The following DCAF8L2 variants were observed in gnomAD, a reference collection of about 807,000 sequenced individuals.
The protein encoded by DCAF8L2 is DDB1- and CUL4-associated factor 8-like protein 2.
For synonymous variants in DCAF8L2, 200 were observed against 190.9 expected (o/e 1.05, Z -0.39); for missense variants, 430 against 490.7 (o/e 0.88, Z 1.17).
At chrX:27,619,299 A>G (rs1331240013) in intron 1 of DCAF8L2, among the ~76,000 whole-genome samples, 1 of 111,436 alleles carries the variant, frequency 9.0e-6, no homozygotes, top group African/African-American at 3.3e-5. Flanking sequence ...TTTCCACAAA[A>G]TAATTTACCA....
At chrX:27,737,630 G>A (rs948868978) in intron 4 of DCAF8L2, among the ~76,000 whole-genome samples, 6 of 111,105 alleles carry the variant, frequency 5.4e-5, no homozygotes, top group Non-Finnish European at 5.7e-5. Flanking sequence ...ACTTTCACAG[G>A]ACCCTCTGTT....
intron 3 of DCAF8L2, among the ~76,000 whole-genome samples, chrX:27,714,928 T>A (rs1602769154): frequency 9.0e-6 from 1 of 111,593 alleles, no homozygotes; most frequent in Non-Finnish European, 1.9e-5. Flanking sequence ...TTTTTTTAGT[T>A]AAAGACAAGT....
chrX:27,500,241 C>T, the DCAF8L2 span, among the ~76,000 whole-genome samples: 1 of 111,300 alleles, frequency 9.0e-6, no homozygotes, highest in African/African-American at 3.3e-5. Context: ...AAGACTTGTG[C>T]CTCAATAATC....
intron 4 of DCAF8L2, among the ~76,000 whole-genome samples, chrX:27,732,049 G>A (rs1392452589): frequency 9.0e-6 from 1 of 111,002 alleles, no homozygotes; most frequent in African/African-American, 3.3e-5. Flanking sequence ...ATAACATGAC[G>A]TTTTGATCTA....
intron 2 of DCAF8L2, among the ~76,000 whole-genome samples, chrX:27,637,016 C>G (rs1928529572): frequency 9.0e-6 from 1 of 111,697 alleles, no homozygotes; most frequent in Non-Finnish European, 1.9e-5. Context: ...GGGAGATGCA[C>G]TATCACCTAC....
chrX:27,552,179 C>A, the DCAF8L2 span, among the ~76,000 whole-genome samples: 5 of 110,926 alleles, frequency 4.5e-5, no homozygotes, highest in African/African-American at 1.6e-4. Context: ...GTTGAATTCC[C>A]AATATATTCT....
rs183042048 is a variant in DCAF8L2, at chrX:27,725,573, T to C, written c.-59+9402T>C. On this transcript the variant is annotated intron_variant, in intron 4 of 4. Transcript: ENST00000451261. ...AGTCTTTATTTTCAGAGTTAAAATA[T>C]AAATATATTATGTTTTATAAAGATC... 8.4e-3 allele frequency among the ~76,000 whole-genome samples: 923 copies of C among 110,400 alleles called. 12 individuals carry two copies. The highest frequency in any genetic ancestry group is 0.029 in the African/African-American group (885 of 30,621).
the DCAF8L2 span, among the ~76,000 whole-genome samples, chrX:27,584,295 T>TACAC: frequency 1.0e-4 from 11 of 109,461 alleles, no homozygotes; most frequent in Non-Finnish European, 1.5e-4. Flanking sequence ...AGTCTGTTTA[T>TACAC]ACACACACAC....
At chrX:27,630,991 A>G (rs1200582718) in intron 1 of DCAF8L2, among the ~76,000 whole-genome samples, 2 of 111,481 alleles carry the variant, frequency 1.8e-5, no homozygotes, top group African/African-American at 6.5e-5. Context: ...TTCAAATACC[A>G]TGAAATTGGG....
chrX:27,733,059 G>A (rs964450193), intron 4 of DCAF8L2, among the ~76,000 whole-genome samples: 8 of 110,423 alleles, frequency 7.2e-5, no homozygotes, highest in Non-Finnish European at 1.5e-4. Flanking sequence ...GGGTTTCACC[G>A]TGTTAGCCAG....
rs1927004318 is a variant in DCAF8L2 at position 27,608,366 on chromosome X, G to A, written c.-342+17926G>A. On this transcript the variant is annotated intron_variant, in intron 1 of 4. Coordinates refer to ENST00000451261, the MANE Select transcript of DCAF8L2 (RefSeq NM_001353450.2). ...AAGTCCTTTACATACTGATCATGTA[G>A]ACTTTGATGTCGTATTGTAATAAAA... Among the ~76,000 whole-genome samples the A allele has an allele frequency of 5.4e-5, 6 of 111,584 alleles. No homozygotes were observed. The South Asian group carries it at 2.2e-3, about 41-fold the overall frequency.
the DCAF8L2 span, among the ~76,000 whole-genome samples, chrX:27,469,184 G>C: frequency 8.9e-6 from 1 of 112,131 alleles, no homozygotes; most frequent in Non-Finnish European, 1.9e-5. Context: ...TTTAGGCACT[G>C]ACTTTCAGTG....
intron 2 of DCAF8L2, among the ~76,000 whole-genome samples, chrX:27,670,835 G>A (rs1222460517): frequency 2.7e-5 from 3 of 111,373 alleles, no homozygotes; most frequent in African/African-American, 6.5e-5. Context: ...CTCTCTCATC[G>A]CTCTGACATC....
intron 2 of DCAF8L2, among the ~76,000 whole-genome samples, chrX:27,662,598 C>G (rs1312457153): frequency 8.9e-6 from 1 of 111,845 alleles, no homozygotes; most frequent in Non-Finnish European, 1.9e-5. Flanking sequence ...GGCATTTTCT[C>G]TTTATCACAA....
chrX:27,694,409 C>T (rs1171563478), intron 3 of DCAF8L2, among the ~76,000 whole-genome samples: 3 of 111,264 alleles, frequency 2.7e-5, no homozygotes, highest in African/African-American at 6.5e-5. Flanking sequence ...ATCTTTATCT[C>T]CATTTAACCA....
chrX:27,624,954 T>G (rs2147161179), intron 1 of DCAF8L2, among the ~76,000 whole-genome samples: 1 of 111,780 alleles, frequency 8.9e-6, no homozygotes, highest in South Asian at 3.7e-4. Flanking sequence ...AGATTTCTGA[T>G]AAAGATGCCA....
At chrX:27,552,778 A>C in the DCAF8L2 span, among the ~76,000 whole-genome samples, 1 of 111,786 alleles carries the variant, frequency 8.9e-6, no homozygotes, top group African/African-American at 3.2e-5. Flanking sequence ...TGGCTATTCA[A>C]GGCCATATAA....
At chrX:27,587,317 A>G (rs1312282817), upstream of DCAF8L2, among the ~76,000 whole-genome samples, 1 of 111,599 alleles carries the variant, frequency 9.0e-6, no homozygotes, top group Non-Finnish European at 1.9e-5. Flanking sequence ...GAGAGAATAT[A>G]AGAGGTGAAA....
chrX:27,659,580 T>C (rs1261351140), intron 2 of DCAF8L2, among the ~76,000 whole-genome samples: 1 of 111,738 alleles, frequency 8.9e-6, no homozygotes, highest in Non-Finnish European at 1.9e-5. Context: ...AGACCCTCTG[T>C]TTTTTCACTT....
Sources: allele counts gnomAD v4.1 joint callset (sites outside exome capture counted in the v4.1 genomes callset), GRCh38; gene constraint gnomAD v4.1.1; transcripts MANE v1.5; gene names NCBI Gene and HGNC (gene_info 2026-07-23, HGNC 2026-07-21).